The following EEA1 variants were observed in gnomAD, a reference collection of about 807,000 sequenced individuals.
EEA1 encodes early endosome antigen 1.
EEA1 carries 111 observed loss-of-function variants against 209.2 expected under a neutral mutation model. That is an observed-to-expected ratio of 0.53 (90% CI 0.45 to 0.62). The LOEUF is 0.62. Ranked by LOEUF, EEA1 falls within the 20% of genes least tolerant of loss-of-function variation. The pLI is 0.00. For missense variants in EEA1, 1,343 were observed against 1,530.8 expected, an observed-to-expected ratio of 0.88 and a Z score of 2.05; for synonymous variants, 536 against 540.6, an observed-to-expected ratio of 0.99 and a Z score of 0.12.
chr12:92,772,370 G>A lies in EEA1; in HGVS notation c.*3641C>T, dbSNP rs553268589. 9.2e-5 allele frequency: 14 copies of A among 151,598 alleles called. No homozygotes were observed. In the East Asian group the frequency reaches 1.9e-3, roughly 21 times the overall value. The allele number at this position is 151,598 out of a possible 1,614,324, so 9.4% of individuals were successfully genotyped here. On this transcript the variant is annotated 3_prime_UTR_variant, in exon 29 of 29. Transcript: ENST00000322349. ...GAGATCAGGAATTTAATTACTATTC[G>A]AAATTGAACAACATTAAAACACCAC...
chr12:92,928,626 G>C (rs945077125), intron 1 of EEA1, among the ~76,000 whole-genome samples: 1 of 152,104 alleles, frequency 6.6e-6, no homozygotes, highest in Non-Finnish European at 1.5e-5. Flanking sequence ...GGCGGGTGGG[G>C]AAAGGCGAAG....
intron 2 of EEA1, chr12:92,884,682 A>C (rs1879305327): frequency 7.2e-7 from 1 of 1,389,868 alleles, no homozygotes; most frequent in Non-Finnish European, 1.0e-6. Context: ...AGCAGTAGCT[A>C]TGGCAATGGC....
At chr12:92,861,846 G>A (rs1384684570) in intron 3 of EEA1, among the ~76,000 whole-genome samples, 1 of 151,836 alleles carries the variant, frequency 6.6e-6, no homozygotes, top group Admixed American at 6.6e-5. Context: ...AGAAATTGAT[G>A]AAAAAAAGAG....
chr12:92,801,878 A>G (rs1346920594), intron 19 of EEA1, among the ~76,000 whole-genome samples, 177 bp from the exon 20 acceptor site: 2 of 151,994 alleles, frequency 1.3e-5, no homozygotes, highest in African/African-American at 4.8e-5. Context: ...GAAGTAATGG[A>G]GGAGGGACAA....
intron 9 of EEA1, among the ~76,000 whole-genome samples, chr12:92,850,273 C>A (rs888584930): frequency 1.3e-5 from 2 of 152,128 alleles, no homozygotes; most frequent in Admixed American, 6.6e-5. Context: ...AATATGCACA[C>A]CGTACACCAC....
At chr12:92,814,092 G>T (rs894260248) in intron 15 of EEA1, among the ~76,000 whole-genome samples, 1 of 152,122 alleles carries the variant, frequency 6.6e-6, no homozygotes, top group African/African-American at 2.4e-5. Context: ...CATATTTTGA[G>T]AAAACAGTAA....
chr12:92,811,592 T>C (rs900099853), intron 16 of EEA1, among the ~76,000 whole-genome samples, 158 bp from the exon 17 acceptor site: 3 of 152,182 alleles, frequency 2.0e-5, no homozygotes, highest in African/African-American at 7.2e-5. Flanking sequence ...TATACTTACC[T>C]ACCAATATAA....
At chr12:92,814,607 G>T (rs917216208) in intron 15 of EEA1, among the ~76,000 whole-genome samples, 3 of 145,172 alleles carry the variant, frequency 2.1e-5, no homozygotes, top group South Asian at 4.2e-4. Flanking sequence ...GATGGGGGGC[G>T]GGGGGGGAAA....
intron 3 of EEA1, among the ~76,000 whole-genome samples, chr12:92,861,649 A>T (rs1878158859): frequency 1.3e-5 from 2 of 152,210 alleles, no homozygotes; most frequent in African/African-American, 2.4e-5. Context: ...CTATCATTAA[A>T]AAGATAAGAT....
intron 15 of EEA1, among the ~76,000 whole-genome samples, chr12:92,815,180 G>A (rs1022872735): frequency 1.3e-5 from 2 of 152,152 alleles, no homozygotes; most frequent in Non-Finnish European, 2.9e-5. Flanking sequence ...AGAAGTTACT[G>A]TCAAGGTGAT....
At chr12:92,789,404 T>C (rs576787570) in intron 21 of EEA1, among the ~76,000 whole-genome samples, 1 of 152,216 alleles carries the variant, frequency 6.6e-6, no homozygotes, top group Admixed American at 6.5e-5. Context: ...CCCAAACTTA[T>C]GTCTCTAACT....
intron 2 of EEA1, among the ~76,000 whole-genome samples, chr12:92,869,361 T>C (rs1878530619): frequency 6.6e-6 from 1 of 152,150 alleles, no homozygotes; most frequent in African/African-American, 2.4e-5. Context: ...TGGTTATCTG[T>C]AATCCTTTCT....
At chr12:92,806,867 T>C (rs1429676806) in intron 18 of EEA1, among the ~76,000 whole-genome samples, 1 of 152,042 alleles carries the variant, frequency 6.6e-6, no homozygotes, top group African/African-American at 2.4e-5. Flanking sequence ...AGAAAATCCA[T>C]ATGATCACAT....
intron 2 of EEA1, among the ~76,000 whole-genome samples, chr12:92,868,305 T>G (rs1462395374): frequency 6.6e-6 from 1 of 152,250 alleles, no homozygotes; most frequent in South Asian, 2.1e-4. Context: ...TACCCACTGT[T>G]GTACAACACT....
intron 2 of EEA1, among the ~76,000 whole-genome samples, chr12:92,865,406 G>A (rs1321557971): frequency 6.6e-6 from 1 of 150,998 alleles, no homozygotes; most frequent in Non-Finnish European, 1.5e-5. Context: ...ATGAACCACT[G>A]AGGGGGAAAA....
At chr12:92,915,728 A>G (rs1463786468) in intron 1 of EEA1, among the ~76,000 whole-genome samples, 4 of 152,108 alleles carry the variant, frequency 2.6e-5, no homozygotes, top group Admixed American at 2.0e-4. Flanking sequence ...TCTAATCTCA[A>G]TTTCTTCATT....
intron 1 of EEA1, among the ~76,000 whole-genome samples, chr12:92,895,071 CT>C (rs1031050205): frequency 2.0e-4 from 30 of 151,716 alleles, no homozygotes; most frequent in African/African-American, 7.3e-4. Flanking sequence ...CTACTCTGCG[CT>C]CTATACATAG....
At chr12:92,845,248 A>G (rs1592733033) in intron 9 of EEA1, among the ~76,000 whole-genome samples, 1 of 152,180 alleles carries the variant, frequency 6.6e-6, no homozygotes, top group East Asian at 1.9e-4. Context: ...TTATACATCC[A>G]GAGGCCAACT....
chr12:92,777,412 T>C, intron 27 of EEA1, 131 bp downstream of exon 27: 1 of 998,814 alleles, frequency 1.0e-6, no homozygotes, highest in South Asian at 2.3e-5. Flanking sequence ...AAACCTACAA[T>C]ACTGCTAAAC....
Sources: allele counts gnomAD v4.1 joint callset (sites outside exome capture counted in the v4.1 genomes callset), GRCh38; gene constraint gnomAD v4.1.1; transcripts MANE v1.5; gene names NCBI Gene and HGNC (gene_info 2026-07-23, HGNC 2026-07-21).